The following TLR5 variants were observed in gnomAD, a reference collection of about 807,000 sequenced individuals.
TLR5 encodes toll like receptor 5.
For missense variants in TLR5, 944 were observed against 999.8 expected, an observed-to-expected ratio of 0.94 and a Z score of 0.75; for synonymous variants, 373 against 384.4, an observed-to-expected ratio of 0.97 and a Z score of 0.35.
At chr1:223,117,647 A>G (rs1303525755) in intron 5 of TLR5, among the ~76,000 whole-genome samples, 1 of 152,130 alleles carries the variant, frequency 6.6e-6, no homozygotes, top group Non-Finnish European at 1.5e-5. Flanking sequence ...ACAGAAAGAT[A>G]AAGGGATTGG....
Position 223,112,240 on chromosome 1 carries a change from G to A in TLR5, c.792C>T (p.Ile264=). 14 of 1,614,208 alleles carry A rather than the reference G, an allele frequency of 8.7e-6. No homozygotes were observed. Among genetic ancestry groups the A allele is most frequent in the Non-Finnish European group, 1.1e-5 (13 of 1,180,042 alleles). ...TATGGAAGCCAAACCCGGCACCCATGATGTGGTGGGCAAGAATCAAAGAGA... is the reference window on the plus strand; with the variant it reads ...TATGGAAGCCAAACCCGGCACCCATAATGTGGTGGGCAAGAATCAAAGAGA... ...QAFSLILAHH[I]MGAGFGFHNI... is the part of the protein sequence containing the mutation. The change falls in exon 6 of 6, where the codon ATC becomes ATT. Residue 264 remains isoleucine, a synonymous_variant. Coordinates refer to ENST00000642603, the MANE Select transcript of TLR5 (RefSeq NM_003268.6).
intron 5 of TLR5, among the ~76,000 whole-genome samples, chr1:223,119,031 G>A (rs1156254945): frequency 1.3e-5 from 2 of 152,030 alleles, no homozygotes; most frequent in Admixed American, 6.5e-5. Context: ...TTGAACCCAG[G>A]AGGCAGAGGT....
intron 3 of TLR5, among the ~76,000 whole-genome samples, chr1:223,136,600 A>C (rs369741563): frequency 6.6e-6 from 1 of 152,220 alleles, no homozygotes; most frequent in East Asian, 1.9e-4. Flanking sequence ...ATCTCTGACC[A>C]AGATGAGGAG....
chr1:223,133,027 T>A (rs1469025734), intron 4 of TLR5, among the ~76,000 whole-genome samples: 2 of 152,176 alleles, frequency 1.3e-5, no homozygotes, highest in Non-Finnish European at 2.9e-5. Context: ...GACAAAATGG[T>A]CTTGCGGCTC....
intron 2 of TLR5, among the ~76,000 whole-genome samples, chr1:223,140,275 G>A (rs5744117): frequency 0.032 from 4,881 of 152,234 alleles, 119 homozygotes; most frequent in Non-Finnish European, 0.049. Flanking sequence ...GGCTGGGTGT[G>A]GTGGCTCACG....
intron 2 of TLR5, among the ~76,000 whole-genome samples, chr1:223,137,928 C>CAA (rs1657675048): frequency 6.8e-6 from 1 of 148,026 alleles, no homozygotes; most frequent in Admixed American, 6.8e-5. Flanking sequence ...TCTCTTTAAC[C>CAA]TCCTCAGGTC....
chr1:223,116,229 G>A (rs771721136), intron 5 of TLR5, among the ~76,000 whole-genome samples: 7 of 152,116 alleles, frequency 4.6e-5, no homozygotes, highest in African/African-American at 7.2e-5. Flanking sequence ...GGACCCTCAC[G>A]GTGAGTGTTA....
At chr1:223,135,951 AG>A (rs1257014975) in intron 3 of TLR5, among the ~76,000 whole-genome samples, 1 of 151,806 alleles carries the variant, frequency 6.6e-6, no homozygotes, top group Non-Finnish European at 1.5e-5. Context: ...CTGCTTTCCT[AG>A]GCTCACCTCC....
At chr1:223,133,790 C>G (rs913441789) in intron 4 of TLR5, among the ~76,000 whole-genome samples, 7 of 152,276 alleles carry the variant, frequency 4.6e-5, no homozygotes, top group Admixed American at 1.3e-4. Flanking sequence ...GGAAACGGGA[C>G]AGCTTGGGTG....
At chr1:223,135,870 C>T (rs965383192) in intron 3 of TLR5, among the ~76,000 whole-genome samples, 6 of 152,128 alleles carry the variant, frequency 3.9e-5, no homozygotes, top group Non-Finnish European at 8.8e-5. Context: ...AAGAAATTAC[C>T]CTCAGAGGAG....
chr1:223,138,721 C>T (rs1657717916), intron 2 of TLR5, among the ~76,000 whole-genome samples: 1 of 152,182 alleles, frequency 6.6e-6, no homozygotes, highest in South Asian at 2.1e-4. Context: ...GTGGACTTCT[C>T]CCCAGGCCAG....
chr1:223,129,898 G>C lies in TLR5; in HGVS notation c.-5+2577C>G, dbSNP rs550038513. Among the ~76,000 whole-genome samples, 3 of 152,288 alleles carry C rather than the reference G, an allele frequency of 2.0e-5. No homozygotes were observed. The South Asian group carries it at 6.2e-4, about 32-fold the overall frequency. Reference sequence around the variant, plus strand: ...GGTTTCTGTGCACTGCAGAACGGTTGATTTATTTACTGATGCCCGGTGGTC... The same window carrying C: ...GGTTTCTGTGCACTGCAGAACGGTTCATTTATTTACTGATGCCCGGTGGTC... On this transcript the variant is annotated intron_variant, in intron 5 of 5. Coordinates refer to ENST00000642603, the MANE Select transcript of TLR5 (RefSeq NM_003268.6).
At chr1:223,139,600 C>T (rs1019234476) in intron 2 of TLR5, among the ~76,000 whole-genome samples, 2 of 152,070 alleles carry the variant, frequency 1.3e-5, no homozygotes, top group African/African-American at 4.8e-5. Flanking sequence ...AGAGCCTAGG[C>T]CTGGGGAGCT....
At chr1:223,122,192 C>T (rs1176906572) in intron 5 of TLR5, among the ~76,000 whole-genome samples, 1 of 152,126 alleles carries the variant, frequency 6.6e-6, no homozygotes, top group Non-Finnish European at 1.5e-5. Context: ...ATTGACACCC[C>T]ACAGTGTTCA....
intron 3 of TLR5, among the ~76,000 whole-genome samples, chr1:223,135,065 T>C (rs1405121906): frequency 2.6e-5 from 4 of 152,164 alleles, no homozygotes; most frequent in Non-Finnish European, 1.5e-5. Context: ...TAGTCTGTGC[T>C]GGGCTAGCAA....
intron 5 of TLR5, among the ~76,000 whole-genome samples, chr1:223,117,525 T>C (rs1189675444): frequency 7.3e-6 from 1 of 136,920 alleles, no homozygotes; most frequent in African/African-American, 2.8e-5. Context: ...GTAGACTATA[T>C]TCTCCATACA....
intron 5 of TLR5, among the ~76,000 whole-genome samples, chr1:223,120,127 C>T (rs1656886482): frequency 6.6e-6 from 1 of 151,824 alleles, no homozygotes; most frequent in South Asian, 2.1e-4. Context: ...ACAGTTGTCT[C>T]TTGTGGGAAA....
At position 223,112,014 on chromosome 1, in the gene TLR5, CTTGGAGG is replaced by C. The variant is rs749958575; in HGVS notation, c.1011_1017del (p.Asn337LysfsTer24). The C allele has an allele frequency of 1.1e-5, 18 of 1,614,044 alleles. No homozygotes were observed. Among genetic ancestry groups the C allele is most frequent in the Non-Finnish European group, 1.4e-5 (17 of 1,180,044 alleles). On this transcript the variant is annotated frameshift_variant, in exon 6 of 6. Coordinates refer to ENST00000642603, the MANE Select transcript of TLR5 (RefSeq NM_003268.6). LOFTEE classifies it low-confidence loss of function (END_TRUNC). The stretch of plus-strand genomic sequence containing the variant: ...AGAAGGTTATATGACAAATTGAGAA[CTTGGAGG>C]TTGTCAAGTCCGTAAAATGCTTCAT...
Position 223,110,579 on chromosome 1 carries a change from C to T in TLR5, c.2453G>A (p.Trp818Ter). 2.5e-6 allele frequency: 4 copies of T among 1,614,122 alleles called. No homozygotes were observed. The highest frequency in any genetic ancestry group is 3.4e-6 in the Non-Finnish European group (4 of 1,180,032). The change falls in exon 6 of 6, where the codon TGG (tryptophan) becomes TAG (stop). Residue 818 changes from tryptophan to a stop codon, truncating the protein, a stop_gained. Coordinates refer to ENST00000642603, the MANE Select transcript of TLR5 (RefSeq NM_003268.6). LOFTEE classifies it low-confidence loss of function (END_TRUNC). ...GFVQKQQYLRWPEDLQDVGWF... is the reference protein window; with the variant it reads ...GFVQKQQYLR ...GCCAACATCCTGGAGATCCTCAGGC[C>T]ACCTCAAATACTGCTGTTTCTGTAC...
Sources: allele counts gnomAD v4.1 joint callset (sites outside exome capture counted in the v4.1 genomes callset), GRCh38; gene constraint gnomAD v4.1.1; transcripts MANE v1.5; gene names NCBI Gene and HGNC (gene_info 2026-07-23, HGNC 2026-07-21).